Variants in SP9 observed in about 807,000 individuals in gnomAD.
SP9 encodes transcription factor Sp9.
SP9 carries 5 observed loss-of-function variants against 23.0 expected under a neutral mutation model. The observed-to-expected ratio is 0.22, with a 90% confidence interval of 0.11 to 0.46. The LOEUF (loss-of-function observed/expected upper bound fraction) is 0.46, where lower values mean the gene tolerates loss of function less well. SP9 is among the 20% of genes least tolerant of loss of function. The probability of loss-of-function intolerance (pLI) is 0.99; values close to 1 mark genes in which losing one functional copy is unlikely to be tolerated. For synonymous variants in SP9, 360 were observed against 356.5 expected (o/e 1.01, Z -0.11); for missense variants, 542 against 724.0 (o/e 0.75, Z 2.88).
chr2:174,337,480 G>A lies in SP9; in HGVS notation c.1395G>A (p.Ala465=), dbSNP rs1249261551. The A allele has an allele frequency of 2.6e-6, 3 of 1,168,874 alleles. No homozygotes were observed. Among genetic ancestry groups the A allele is most frequent in the Non-Finnish European group, 3.2e-6 (3 of 935,458 alleles). The allele number at this position is 1,168,874 out of a possible 1,614,324, so 72.4% of individuals were successfully genotyped here. A position where few individuals can be genotyped will look rare whatever the true frequency, so the allele number is the denominator to read the frequency against. The change falls in exon 2 of 2, where the codon GCG becomes GCA. Residue 465 remains alanine, a synonymous_variant. Coordinates refer to ENST00000394967, the MANE Select transcript of SP9 (RefSeq NM_001145250.2). ...AAAAAAAAAA[A]AAAAASAGGK... ...CAGCGGCGGCGGCGGCAGCGGCGGC[G>A]GCGGCGGCGGCGGCCTCCGCGGGAG...
Sources: gnomAD v4.1 joint callset for allele counts on GRCh38, gnomAD v4.1.1 for gene constraint, MANE v1.5 for transcripts, NCBI Gene and HGNC (gene_info 2026-07-23, HGNC 2026-07-21) for gene names.